The following CDK14 variants were observed in gnomAD, a reference collection of about 807,000 sequenced individuals.
CDK14 encodes cyclin-dependent kinase 14.
In CDK14, 34 loss-of-function variants were observed where a neutral mutation model predicts 60.7. The ratio of observed to expected loss-of-function variants is 0.56; its 90% CI spans 0.43 to 0.75. CDK14 has a LOEUF of 0.75. CDK14 is among the 30% of genes least tolerant of loss of function. The probability of loss-of-function intolerance (pLI) is 0.00; values close to 1 mark genes in which losing one functional copy is unlikely to be tolerated. For synonymous variants in CDK14, 197 were observed against 203.7 expected (o/e 0.97, Z 0.28); for missense variants, 482 against 564.1 (o/e 0.85, Z 1.47).
chr7:91,136,184 A>G (rs931363581), intron 14 of CDK14, among the ~76,000 whole-genome samples: 2 of 152,182 alleles, frequency 1.3e-5, no homozygotes, highest in East Asian at 1.9e-4. Flanking sequence ...TTATCTGGCA[A>G]TGTGAGTTTC....
intron 11 of CDK14, among the ~76,000 whole-genome samples, chr7:91,049,191 A>C (rs1479636057): frequency 6.6e-6 from 1 of 151,606 alleles, no homozygotes; most frequent in Non-Finnish European, 1.5e-5. Context: ...TGAGTTCTTT[A>C]TATTTAAGGG....
chr7:90,604,193 T>A (rs1298789644), intron 1 of CDK14, 25 bp from the exon 2 acceptor site: 2 of 1,489,904 alleles, frequency 1.3e-6, no homozygotes, highest in Non-Finnish European at 1.8e-6. Context: ...ACAATAACTG[T>A]TTCCTTTTCC....
intron 8 of CDK14, among the ~76,000 whole-genome samples, chr7:90,929,336 T>C (rs1254266619): frequency 3.9e-5 from 6 of 152,210 alleles, no homozygotes; most frequent in Non-Finnish European, 8.8e-5. Flanking sequence ...TTCGGCCATC[T>C]TGGAACCTCT....
chr7:90,941,945 T>C (rs1352383359), intron 8 of CDK14, among the ~76,000 whole-genome samples: 4 of 152,236 alleles, frequency 2.6e-5, no homozygotes, highest in Non-Finnish European at 5.9e-5. Flanking sequence ...TCCTTTGCCA[T>C]CTGCCCAAGG....
At chr7:90,954,220 T>C (rs1050970849) in intron 8 of CDK14, among the ~76,000 whole-genome samples, 3 of 152,152 alleles carry the variant, frequency 2.0e-5, no homozygotes, top group African/African-American at 7.2e-5. Flanking sequence ...AGCTGTCTTA[T>C]TAACTTTAAA....
At chr7:91,076,748 C>T (rs922152471) in intron 11 of CDK14, among the ~76,000 whole-genome samples, 7 of 152,068 alleles carry the variant, frequency 4.6e-5, no homozygotes, top group Admixed American at 4.6e-4. Flanking sequence ...TTGCAATCTA[C>T]CCATCTGACA....
chr7:90,778,594 G>T (rs28571217), intron 4 of CDK14, among the ~76,000 whole-genome samples: 66,116 of 151,902 alleles, frequency 0.44, 15,184 homozygotes, highest in East Asian at 0.82. Context: ...CCTTTATGCA[G>T]CCCAGAAGGC....
At chr7:90,789,865 G>A (rs1002876538) in intron 4 of CDK14, among the ~76,000 whole-genome samples, 8 of 152,108 alleles carry the variant, frequency 5.3e-5, no homozygotes, top group African/African-American at 1.7e-4. Flanking sequence ...TGGCAGAAAT[G>A]ACTGGATAAA....
chr7:90,709,885 G>A (rs765136063), intron 2 of CDK14: 12 of 1,311,982 alleles, frequency 9.1e-6, no homozygotes, highest in African/African-American at 1.5e-5. Flanking sequence ...GCCTGGCCTG[G>A]TGCAAACACA....
At chr7:91,181,782 A>G (rs376117992) in intron 14 of CDK14, among the ~76,000 whole-genome samples, 120 of 152,266 alleles carry the variant, frequency 7.9e-4, no homozygotes, top group African/African-American at 2.7e-3. Flanking sequence ...CCTTTTGACC[A>G]GACCCTAAGA....
At chr7:91,094,149 C>A (rs1425342293) in intron 12 of CDK14, among the ~76,000 whole-genome samples, 1 of 152,036 alleles carries the variant, frequency 6.6e-6, no homozygotes, top group African/African-American at 2.4e-5. Context: ...AACAAACCTG[C>A]ACGTGTACCC....
chr7:90,843,292 A>T (rs1429125124), intron 5 of CDK14, among the ~76,000 whole-genome samples: 2 of 152,234 alleles, frequency 1.3e-5, no homozygotes, highest in East Asian at 3.8e-4. Flanking sequence ...TGTAACTCAT[A>T]TATACTTGTC....
At chr7:90,829,876 A>G (rs1263961357) in intron 5 of CDK14, among the ~76,000 whole-genome samples, 3 of 152,136 alleles carry the variant, frequency 2.0e-5, no homozygotes, top group Non-Finnish European at 4.4e-5. Flanking sequence ...TTGACTCCAT[A>G]TCTCACATCC....
chr7:91,007,724 CTG>C (rs1024582788), intron 10 of CDK14, among the ~76,000 whole-genome samples: 2 of 151,920 alleles, frequency 1.3e-5, no homozygotes, highest in Non-Finnish European at 2.9e-5. Context: ...TGTCAGTAAA[CTG>C]TTCTTTTTTT....
intron 7 of CDK14, among the ~76,000 whole-genome samples, chr7:90,915,233 A>C (rs1185957696): frequency 6.6e-6 from 1 of 152,058 alleles, no homozygotes; most frequent in Non-Finnish European, 1.5e-5. Flanking sequence ...TCAGGAGATC[A>C]AGACCATCCT....
At chr7:90,997,969 A>T (rs1795733132) in intron 10 of CDK14, among the ~76,000 whole-genome samples, 1 of 152,192 alleles carries the variant, frequency 6.6e-6, no homozygotes, top group Non-Finnish European at 1.5e-5. Flanking sequence ...GATATTATGA[A>T]GGTAAAATAA....
At position 90,788,996 on chromosome 7, in the gene CDK14, T is replaced by C. The variant is rs188525490; in HGVS notation, c.465-1577T>C. ...CAAATATTTATATTGGTATCCTCTA[T>C]GTAGGATGCTTCTCCAATATTCATC... On this transcript the variant is annotated intron_variant, in intron 4 of 14. Transcript: ENST00000380050. Among the ~76,000 whole-genome samples the C allele has an allele frequency of 1.3e-3, 197 of 152,302 alleles. 1 individual carries two copies. The highest frequency in any genetic ancestry group is 4.3e-3 in the African/African-American group (178 of 41,572).
At chr7:90,695,337 C>T (rs1420196501) in intron 2 of CDK14, among the ~76,000 whole-genome samples, 2 of 152,088 alleles carry the variant, frequency 1.3e-5, no homozygotes, top group South Asian at 2.1e-4. Context: ...GTTTCTTTGG[C>T]GTCATACCAT....
intron 2 of CDK14, among the ~76,000 whole-genome samples, chr7:90,659,837 T>TTCTCTCTCTCTCTCTC (rs58582287): frequency 4.1e-3 from 455 of 110,208 alleles, no homozygotes; most frequent in Admixed American, 0.021. Flanking sequence ...CAGGGAATGC[T>TTCTCTCTCTCTCTCTC]TCTCTCTCTC....
Sources: allele counts gnomAD v4.1 joint callset (sites outside exome capture counted in the v4.1 genomes callset), GRCh38; gene constraint gnomAD v4.1.1; transcripts MANE v1.5; gene names NCBI Gene and HGNC (gene_info 2026-07-23, HGNC 2026-07-21).